The following ZPLD1 variants were observed in gnomAD, a reference collection of about 807,000 sequenced individuals.
The protein encoded by ZPLD1 is zona pellucida like domain containing 1.
Under a neutral mutation model 47.2 loss-of-function variants are expected in ZPLD1, and 34 were observed. The observed-to-expected ratio is 0.72, with a 90% CI of 0.55 to 0.96. The LOEUF (loss-of-function observed/expected upper bound fraction) is 0.96. ZPLD1 is among the 40% of genes least tolerant of loss of function. ZPLD1 has a pLI of 0.00. For missense variants in ZPLD1, 512 were observed against 505.8 expected, an observed-to-expected ratio of 1.01 and a Z score of -0.12; for synonymous variants, 176 against 186.2, an observed-to-expected ratio of 0.95 and a Z score of 0.45.
At chr3:102,404,299 G>A (rs566811636) in intron 7 of ZPLD1, among the ~76,000 whole-genome samples, 1 of 152,034 alleles carries the variant, frequency 6.6e-6, no homozygotes, top group South Asian at 2.1e-4. Flanking sequence ...TTTTGGATCA[G>A]AAGGGTAAAC....
intron 10 of ZPLD1, among the ~76,000 whole-genome samples, chr3:102,473,324 T>A (rs1707712597): frequency 6.6e-6 from 1 of 152,162 alleles, no homozygotes; most frequent in African/African-American, 2.4e-5. Context: ...CTCTCCAGGT[T>A]TATAGGTTTC....
At chr3:102,451,842 T>C (rs1177491094) in intron 3 of ZPLD1, among the ~76,000 whole-genome samples, 1 of 152,184 alleles carries the variant, frequency 6.6e-6, no homozygotes. Flanking sequence ...ACCAGTCATA[T>C]TGAATTACAG....
chr3:102,435,917 C>T (rs937949976), intron 1 of ZPLD1, among the ~76,000 whole-genome samples: 6 of 152,192 alleles, frequency 3.9e-5, no homozygotes, highest in Admixed American at 2.0e-4. Flanking sequence ...GCTGGGATTA[C>T]GGGCGTGAGC....
At chr3:102,459,776 T>G (rs1051615816) in intron 6 of ZPLD1, among the ~76,000 whole-genome samples, 1 of 152,126 alleles carries the variant, frequency 6.6e-6, no homozygotes, top group African/African-American at 2.4e-5. Flanking sequence ...GCACATATTT[T>G]TTTCTATTAT....
chr3:102,387,749 A>G (rs1371438907), intron 6 of ZPLD1, among the ~76,000 whole-genome samples: 1 of 151,222 alleles, frequency 6.6e-6, no homozygotes, highest in Admixed American at 6.6e-5. Context: ...GCACTACAAA[A>G]TTTTACAATA....
intron 7 of ZPLD1, among the ~76,000 whole-genome samples, chr3:102,393,600 G>A (rs867099968): frequency 6.6e-6 from 1 of 151,316 alleles, no homozygotes; most frequent in Admixed American, 6.6e-5. Flanking sequence ...CTAACCTGAT[G>A]TATGCTGAGA....
chr3:102,415,477 C>G (rs1706794723), intron 7 of ZPLD1, among the ~76,000 whole-genome samples: 2 of 151,706 alleles, frequency 1.3e-5, no homozygotes, highest in Non-Finnish European at 2.9e-5. Context: ...AAAAAAGGAG[C>G]TCTGAAAATG....
intron 3 of ZPLD1, among the ~76,000 whole-genome samples, chr3:102,449,966 G>T (rs982105290): frequency 6.6e-6 from 1 of 152,012 alleles, no homozygotes; most frequent in Non-Finnish European, 1.5e-5. Flanking sequence ...GGAGTACATT[G>T]GTTAATATAA....
At chr3:102,429,814 A>AT (rs907529461) in intron 8 of ZPLD1, among the ~76,000 whole-genome samples, 2 of 152,190 alleles carry the variant, frequency 1.3e-5, no homozygotes, top group African/African-American at 2.4e-5. Flanking sequence ...AAATACATAG[A>AT]TAAAAAAGAT....
chr3:102,427,026 A>T (rs1163463300), intron 8 of ZPLD1, among the ~76,000 whole-genome samples: 1 of 152,216 alleles, frequency 6.6e-6, no homozygotes, highest in African/African-American at 2.4e-5. Flanking sequence ...GAGTAATGTC[A>T]TGAAGTTTAA....
chr3:102,471,465 T>G (rs1162051754), intron 10 of ZPLD1, among the ~76,000 whole-genome samples: 2 of 152,228 alleles, frequency 1.3e-5, no homozygotes, highest in Admixed American at 1.3e-4. Context: ...TTTGTGCTCA[T>G]GAATTCATAT....
At chr3:102,469,960 A>G (rs9847260) in intron 9 of ZPLD1, among the ~76,000 whole-genome samples, 4,342 of 152,266 alleles carry the variant, frequency 0.029, 83 homozygotes, top group Non-Finnish European at 0.043. Flanking sequence ...CAATTTATGC[A>G]TAAATGGGAA....
chr3:102,464,670 C>T (rs1707565448), intron 8 of ZPLD1, among the ~76,000 whole-genome samples: 1 of 152,098 alleles, frequency 6.6e-6, no homozygotes. Context: ...ATTTAGACCC[C>T]AAAATACTTT....
At chr3:102,435,599 TG>T (rs1707077630) in intron 1 of ZPLD1, among the ~76,000 whole-genome samples, 1 of 152,034 alleles carries the variant, frequency 6.6e-6, no homozygotes, top group Non-Finnish European at 1.5e-5. Context: ...CTATACTTTA[TG>T]CACTTATACT....
At chr3:102,456,431 G>A (rs1004132990) in intron 5 of ZPLD1, 57 bp downstream of exon 5, 30 of 1,456,108 alleles carry the variant, frequency 2.1e-5, no homozygotes, top group African/African-American at 2.8e-5. Context: ...CAGGCATTTC[G>A]TATCTTTCAG....
At chr3:102,447,363 C>T (rs1707273171) in intron 3 of ZPLD1, among the ~76,000 whole-genome samples, 1 of 152,152 alleles carries the variant, frequency 6.6e-6, no homozygotes, top group African/African-American at 2.4e-5. Flanking sequence ...CACACCTGGC[C>T]TCCCCATCCT....
intron 7 of ZPLD1, among the ~76,000 whole-genome samples, chr3:102,398,804 A>T (rs1236298183): frequency 6.6e-6 from 1 of 152,128 alleles, no homozygotes; most frequent in African/African-American, 2.4e-5. Flanking sequence ...TGTCTATTGG[A>T]TTCTTGGCTC....
At chr3:102,392,503 C>T (rs1706507244) in intron 7 of ZPLD1, among the ~76,000 whole-genome samples, 2 of 151,230 alleles carry the variant, frequency 1.3e-5, no homozygotes, top group African/African-American at 4.9e-5. Flanking sequence ...GATCTCCCTT[C>T]CTTTCTTTCT....
chr3:102,441,471 T>C (rs1015763636), intron 3 of ZPLD1, among the ~76,000 whole-genome samples: 6 of 152,186 alleles, frequency 3.9e-5, no homozygotes, highest in Admixed American at 2.0e-4. Context: ...TGTACATTTA[T>C]GGTTAAGAAC....
Sources: gnomAD v4.1 joint callset for allele counts (sites outside exome capture counted in the v4.1 genomes callset) on GRCh38, gnomAD v4.1.1 for gene constraint, MANE v1.5 for transcripts, NCBI Gene and HGNC (gene_info 2026-07-23, HGNC 2026-07-21) for gene names.